PDE3A: variants seen among roughly 807,000 people sequenced by gnomAD.
PDE3A encodes cGMP-inhibited 3',5'-cyclic phosphodiesterase 3A.
In PDE3A, 43 loss-of-function variants were observed where a neutral mutation model predicts 98.3. The ratio of observed to expected loss-of-function variants is 0.44; its 90% CI spans 0.34 to 0.56. PDE3A has a LOEUF of 0.56. Among genes scored for constraint, PDE3A ranks in the 20% least tolerant of loss-of-function variants. PDE3A has a pLI of 0.01. For synonymous variants in PDE3A, 663 were observed against 567.9 expected (o/e 1.17, Z -2.38); for missense variants, 1,427 against 1,440.7 (o/e 0.99, Z 0.15).
chr12:20,571,806 A>G lies in PDE3A; in HGVS notation c.1011+15096A>G, dbSNP rs116570112. 2.4e-3 allele frequency: 1,235 copies of G among 507,736 alleles called. 20 individuals are homozygous for G. The highest frequency in any genetic ancestry group is 0.024 in the African/African-American group (1,141 of 48,326). The allele number at this position is 507,736 out of a possible 1,614,324, so 31.5% of individuals were successfully genotyped here. On this transcript the variant is annotated intron_variant, in intron 2 of 15. Coordinates refer to ENST00000359062, the MANE Select transcript of PDE3A (RefSeq NM_000921.5). ...CCATAATGCATTTATCATAGAACTT[A>G]GAACACTATGCAAAATTTCCCACTA...
intron 1 of PDE3A, among the ~76,000 whole-genome samples, chr12:20,523,455 T>C (rs1161036506): frequency 6.6e-6 from 1 of 152,224 alleles, no homozygotes; most frequent in Non-Finnish European, 1.5e-5. Context: ...CTAATTTCCT[T>C]TTCCTCTATT....
chr12:20,475,085 C>T (rs1008063233), intron 1 of PDE3A, among the ~76,000 whole-genome samples: 1 of 151,404 alleles, frequency 6.6e-6, no homozygotes. Context: ...AATGAGTGAC[C>T]AAATACTTCT....
chr12:20,607,069 C>T (rs1943727464), intron 2 of PDE3A, among the ~76,000 whole-genome samples: 1 of 151,808 alleles, frequency 6.6e-6, no homozygotes, highest in African/African-American at 2.4e-5. Context: ...AGTCTAAAGC[C>T]AGGATTAGGT....
intron 2 of PDE3A, among the ~76,000 whole-genome samples, chr12:20,601,433 A>G (rs1207444406): frequency 6.6e-6 from 1 of 152,196 alleles, no homozygotes; most frequent in Non-Finnish European, 1.5e-5. Context: ...CATATGGGGC[A>G]GGAAAAAGTC....
At position 20,369,848 on chromosome 12, in the gene PDE3A, C is replaced by T. The variant is rs770891751; in HGVS notation, c.564C>T (p.Leu188=). ...LGVGEDHLLS[L]PAAGVVLSCL... ...TCGGGGAGGATCACTTACTCTCACT[C>T]CCCGCCGCGGGGGTGGTGCTCAGCT... is the stretch of plus-strand genomic sequence containing the variant. Residue 188 remains leucine, a synonymous_variant, in exon 1 of 16, where the codon CTC becomes CTT. Coordinates refer to ENST00000359062, the MANE Select transcript of PDE3A (RefSeq NM_000921.5). 9 of 1,612,050 alleles carry T rather than the reference C, an allele frequency of 5.6e-6. No individual in the cohort carries two copies. The highest frequency in any genetic ancestry group is 5.3e-5 in the African/African-American group (4 of 75,022).
intron 1 of PDE3A, among the ~76,000 whole-genome samples, chr12:20,425,104 C>G (rs952860496): frequency 6.6e-6 from 1 of 152,188 alleles, no homozygotes; most frequent in African/African-American, 2.4e-5. Context: ...TTTGCAGGAA[C>G]ACACATGGGT....
intron 1 of PDE3A, among the ~76,000 whole-genome samples, chr12:20,445,406 A>G (rs1944937639): frequency 6.6e-6 from 1 of 152,164 alleles, no homozygotes; most frequent in South Asian, 2.1e-4. Flanking sequence ...AGCATAATTA[A>G]CTGTAAGGCT....
chr12:20,665,267 G>A (rs557887210), intron 15 of PDE3A, among the ~76,000 whole-genome samples: 8 of 152,300 alleles, frequency 5.3e-5, no homozygotes, highest in East Asian at 3.9e-4. Flanking sequence ...TACATATCAG[G>A]TGATTCATAA....
chr12:20,552,692 A>T lies in PDE3A; in HGVS notation c.961-3968A>T, dbSNP rs1942246461. 1 of 1,613,912 alleles carries T rather than the reference A, an allele frequency of 6.2e-7. No homozygotes were observed. Among genetic ancestry groups the T allele is most frequent in the African/African-American group, 1.3e-5 (1 of 74,934 alleles). On this transcript the variant is annotated intron_variant, in intron 1 of 15. Transcript: ENST00000359062. The surrounding 1 kb of genome is among the most constrained non-coding windows in gnomAD (Gnocchi z 5.1). ...CAGAGCAGCCTCATCAGAGAGGACA[A>T]GAGCAACGCCAAGCTGTGGAATGAG...
chr12:20,674,923 T>A (rs184548815), intron 15 of PDE3A, among the ~76,000 whole-genome samples: 118 of 152,138 alleles, frequency 7.8e-4, no homozygotes, highest in African/African-American at 2.5e-3. Context: ...TTGTACTTTT[T>A]AAATTTTTAT....
chr12:20,595,505 G>A (rs578201125), intron 2 of PDE3A, among the ~76,000 whole-genome samples: 65 of 152,236 alleles, frequency 4.3e-4, no homozygotes, highest in African/African-American at 1.4e-3. Context: ...ATATCAGAAT[G>A]TTATCATAGT....
intron 15 of PDE3A, among the ~76,000 whole-genome samples, chr12:20,674,324 A>G (rs1321870609): frequency 1.3e-5 from 2 of 152,132 alleles, no homozygotes; most frequent in Non-Finnish European, 2.9e-5. Context: ...TAGGACTTCT[A>G]GTACAATTTT....
intron 1 of PDE3A, among the ~76,000 whole-genome samples, chr12:20,518,155 C>A (rs2121140037): frequency 6.6e-6 from 1 of 152,256 alleles, no homozygotes; most frequent in Middle Eastern, 3.4e-3. Context: ...AAATTGCAAA[C>A]AAATTGCTCC....
rs1471260598 is a variant in PDE3A at position 20,646,570 on chromosome 12, G to A, written c.2332G>A (p.Val778Met). The change falls in exon 11 of 16, where the codon GTG becomes ATG. Residue 778 changes from valine (V) to methionine (M), a missense_variant. Val to Met is a conservative substitution (Grantham distance 21). This residue lies in a region of PDE3A where 273 missense variants were observed against 420.3 expected (regional missense o/e 0.65). Transcript: ENST00000359062. ...TTQPIPGLST[V>M]INDHGSTSDS... ...ACAGCCTATTCCAGGCCTCTCAACTGTGATTAATGATCATGGTTCAACCAG... is the reference window on the plus strand; with the variant it reads ...ACAGCCTATTCCAGGCCTCTCAACTATGATTAATGATCATGGTTCAACCAG... The A allele has an allele frequency of 1.2e-6, 2 of 1,603,878 alleles. No homozygotes were observed. Among genetic ancestry groups the A allele is most frequent in the East Asian group, 2.2e-5 (1 of 44,808 alleles).
At chr12:20,671,388 C>A (rs1283920426) in intron 15 of PDE3A, among the ~76,000 whole-genome samples, 5 of 152,058 alleles carry the variant, frequency 3.3e-5, no homozygotes, top group African/African-American at 1.2e-4. Flanking sequence ...CAGGCAGAGA[C>A]ACAACAAAAA....
chr12:20,647,712 T>C (rs1179943080), intron 12 of PDE3A, among the ~76,000 whole-genome samples: 1 of 152,134 alleles, frequency 6.6e-6, no homozygotes, highest in Non-Finnish European at 1.5e-5. Flanking sequence ...CCACAGCTCA[T>C]CTTATAGGCT....
At chr12:20,432,844 A>C (rs1944719968) in intron 1 of PDE3A, among the ~76,000 whole-genome samples, 1 of 152,182 alleles carries the variant, frequency 6.6e-6, no homozygotes, top group Non-Finnish European at 1.5e-5. Context: ...GAAGTAATCA[A>C]AATGTATCTT....
intron 3 of PDE3A, among the ~76,000 whole-genome samples, 184 bp from the exon 4 acceptor site, chr12:20,616,046 C>T (rs1943997156): frequency 6.6e-6 from 1 of 151,976 alleles, no homozygotes; most frequent in African/African-American, 2.4e-5. Context: ...AATATGCATT[C>T]ATTTTGGCCA....
intron 1 of PDE3A, among the ~76,000 whole-genome samples, chr12:20,536,173 C>T (rs980830985): frequency 8.6e-5 from 13 of 151,944 alleles, no homozygotes; most frequent in African/African-American, 2.9e-4. Flanking sequence ...AGAAATAAGC[C>T]ATGCTTATAC....
Sources: gnomAD v4.1 joint callset for allele counts (sites outside exome capture counted in the v4.1 genomes callset) on GRCh38, gnomAD v4.1.1 for gene constraint, gnomAD v4.1.1 regional missense constraint, Gnocchi (gnomAD v3.1) non-coding constraint, MANE v1.5 for transcripts, NCBI Gene and HGNC (gene_info 2026-07-23, HGNC 2026-07-21) for gene names.